The following CDK14 variants were observed in gnomAD, a reference collection of about 807,000 sequenced individuals.
The protein encoded by CDK14 is cyclin-dependent kinase 14.
CDK14 carries 34 observed loss-of-function variants against 60.7 expected under a neutral mutation model. The observed-to-expected ratio is 0.56, with a 90% CI of 0.43 to 0.75. The LOEUF is 0.75. Among genes scored for constraint, CDK14 ranks in the 30% least tolerant of loss-of-function variants. CDK14 has a pLI of 0.00. For missense variants in CDK14, 482 were observed against 564.1 expected (o/e 0.85, Z 1.47); for synonymous variants, 197 against 203.7 (o/e 0.97, Z 0.28).
intron 14 of CDK14, among the ~76,000 whole-genome samples, chr7:91,146,562 T>C (rs1800646095): frequency 1.3e-5 from 2 of 152,304 alleles, no homozygotes; most frequent in South Asian, 4.1e-4. Flanking sequence ...TAATTGTTGA[T>C]GGGGAGAGGA....
At chr7:91,060,502 T>A (rs1211532035) in intron 11 of CDK14, among the ~76,000 whole-genome samples, 1 of 152,204 alleles carries the variant, frequency 6.6e-6, no homozygotes, top group African/African-American at 2.4e-5. Context: ...GCCTCGATGG[T>A]CTTTACAATT....
At chr7:90,724,841 A>G (rs901753116) in intron 2 of CDK14, among the ~76,000 whole-genome samples, 2 of 151,744 alleles carry the variant, frequency 1.3e-5, no homozygotes, top group African/African-American at 4.8e-5. Context: ...TGCTTTAGTG[A>G]TGTGGGTGGT....
At chr7:90,830,269 T>C (rs569530049) in intron 5 of CDK14, among the ~76,000 whole-genome samples, 1 of 152,322 alleles carries the variant, frequency 6.6e-6, no homozygotes, top group Non-Finnish European at 1.5e-5. Context: ...ACTCTTGTCT[T>C]CTGCACACCC....
intron 12 of CDK14, among the ~76,000 whole-genome samples, chr7:91,085,074 G>T (rs556263418): frequency 7.9e-5 from 12 of 152,270 alleles, no homozygotes; most frequent in Admixed American, 2.6e-4. Flanking sequence ...TGTATTCTGC[G>T]ACTGCCATAA....
chr7:90,983,702 A>G (rs949770293), intron 9 of CDK14, among the ~76,000 whole-genome samples: 3 of 152,050 alleles, frequency 2.0e-5, no homozygotes, highest in African/African-American at 7.2e-5. Flanking sequence ...AAAGAATGAA[A>G]TAGTGTTGTT....
intron 14 of CDK14, among the ~76,000 whole-genome samples, chr7:91,171,794 G>C (rs1230952875): frequency 1.3e-5 from 2 of 152,080 alleles, no homozygotes; most frequent in Non-Finnish European, 2.9e-5. Flanking sequence ...CCACAGGGAT[G>C]CACCACCACA....
intron 4 of CDK14, among the ~76,000 whole-genome samples, chr7:90,778,844 C>T (rs552398818): frequency 4.1e-5 from 6 of 145,928 alleles, no homozygotes; most frequent in African/African-American, 1.3e-4. Flanking sequence ...AAAAATTGAC[C>T]GACCTTCCTT....
At chr7:90,903,698 A>G (rs1562821455) in intron 7 of CDK14, among the ~76,000 whole-genome samples, 1 of 152,210 alleles carries the variant, frequency 6.6e-6, no homozygotes, top group Non-Finnish European at 1.5e-5. Flanking sequence ...ATTTCAAAAT[A>G]ACTAAAAGAA....
intron 6 of CDK14, among the ~76,000 whole-genome samples, chr7:90,882,965 C>T (rs539081072): frequency 2.7e-4 from 41 of 152,218 alleles, no homozygotes; most frequent in African/African-American, 9.6e-4. Flanking sequence ...AAGTTTATAG[C>T]ACTGAATGCT....
At chr7:90,710,544 G>A (rs575653528) in intron 2 of CDK14, 2 of 985,230 alleles carry the variant, frequency 2.0e-6, no homozygotes, top group East Asian at 1.1e-4. Flanking sequence ...TGCTTTAAGT[G>A]TGTACTGCTG....
At chr7:90,667,690 C>T (rs1388315618) in intron 2 of CDK14, among the ~76,000 whole-genome samples, 1 of 152,046 alleles carries the variant, frequency 6.6e-6, no homozygotes, top group Non-Finnish European at 1.5e-5. Flanking sequence ...CTGCCTCAAC[C>T]TCCTGAGTAG....
intron 2 of CDK14, among the ~76,000 whole-genome samples, chr7:90,621,451 G>A (rs958922749): frequency 2.6e-5 from 4 of 152,176 alleles, no homozygotes; most frequent in East Asian, 1.9e-4. Flanking sequence ...ACTGTGTAAG[G>A]TTCCTGAGGG....
chr7:90,690,229 A>G (rs931752047), intron 2 of CDK14, among the ~76,000 whole-genome samples: 17 of 152,156 alleles, frequency 1.1e-4, no homozygotes, highest in Admixed American at 2.0e-4. Flanking sequence ...TGAAAGGTAT[A>G]TTAGGTAAGT....
Position 90,667,686 on chromosome 7 carries a change from C to G in CDK14, c.124-58881C>G, listed in dbSNP as rs1801012843. Among the ~76,000 whole-genome samples, 3 of 152,110 alleles carry G rather than the reference C, an allele frequency of 2.0e-5. No homozygotes were observed. The South Asian group carries it at 6.2e-4, about 32-fold the overall frequency. On this transcript the variant is annotated intron_variant, in intron 2 of 14. Transcript: ENST00000380050. ...CTGGGTTCACACCATTCTCCTGCCT[C>G]AACCTCCTGAGTAGCTGGGACTATA...
intron 6 of CDK14, among the ~76,000 whole-genome samples, chr7:90,876,647 C>T (rs552466437): frequency 6.6e-6 from 1 of 152,140 alleles, no homozygotes. Flanking sequence ...AAACTTGCTA[C>T]CATCTGTTTT....
intron 2 of CDK14, among the ~76,000 whole-genome samples, chr7:90,675,303 C>G (rs545770629): frequency 1.3e-5 from 2 of 152,120 alleles, no homozygotes; most frequent in South Asian, 2.1e-4. Context: ...ATAACACTTT[C>G]TTATAACTGG....
intron 4 of CDK14, among the ~76,000 whole-genome samples, chr7:90,762,878 A>G (rs1445186043): frequency 6.6e-6 from 1 of 152,094 alleles, no homozygotes; most frequent in African/African-American, 2.4e-5. Context: ...AATCCCAGCT[A>G]CTCAAGAGGC....
intron 14 of CDK14, among the ~76,000 whole-genome samples, chr7:91,161,913 T>C (rs1391056147): frequency 6.6e-6 from 1 of 152,232 alleles, no homozygotes; most frequent in African/African-American, 2.4e-5. Flanking sequence ...TGAAATGGCA[T>C]GTCAACATGA....
intron 10 of CDK14, among the ~76,000 whole-genome samples, chr7:91,000,075 C>A (rs934879728): frequency 6.6e-6 from 1 of 152,146 alleles, no homozygotes; most frequent in Non-Finnish European, 1.5e-5. Flanking sequence ...AATAAGCAAG[C>A]TGAATTTTTT....
Sources: gnomAD v4.1 joint callset for allele counts (sites outside exome capture counted in the v4.1 genomes callset) on GRCh38, gnomAD v4.1.1 for gene constraint, MANE v1.5 for transcripts, NCBI Gene and HGNC (gene_info 2026-07-23, HGNC 2026-07-21) for gene names.